The following LITAF variants were observed in gnomAD, a reference collection of about 807,000 sequenced individuals.
LITAF encodes the protein lipopolysaccharide-induced tumor necrosis factor-alpha factor.
A neutral mutation model predicts 14.5 loss-of-function variants in LITAF; 9 were observed. That is an observed-to-expected ratio of 0.62 (90% confidence interval 0.37 to 1.08). The LOEUF (loss-of-function observed/expected upper bound fraction) is 1.08. Ranked by LOEUF, LITAF falls within the 50% of genes least tolerant of loss-of-function variation. LITAF has a pLI of 0.01. For synonymous variants in LITAF, 98 were observed against 88.2 expected (o/e 1.11, Z -0.62); for missense variants, 206 against 213.4 (o/e 0.97, Z 0.22).
intron 3 of LITAF, among the ~76,000 whole-genome samples, chr16:11,606,649 G>T (rs1031906696): frequency 6.6e-6 from 1 of 151,136 alleles, no homozygotes; most frequent in Non-Finnish European, 1.5e-5. Context: ...TCTGAGGTAT[G>T]CCTGCAGCCA....
At chr16:11,562,928 A>G (rs2064392755) in intron 1 of LITAF, among the ~76,000 whole-genome samples, 1 of 151,324 alleles carries the variant, frequency 6.6e-6, no homozygotes, top group Non-Finnish European at 1.5e-5. Flanking sequence ...GAGTCACAAA[A>G]TCATATATAA....
At chr16:11,619,369 A>G (rs2065036605) in intron 3 of LITAF, among the ~76,000 whole-genome samples, 1 of 152,088 alleles carries the variant, frequency 6.6e-6, no homozygotes, top group African/African-American at 2.4e-5. Context: ...ACACATCTCC[A>G]CATGGCATGA....
chr16:11,606,765 G>C, intron 3 of LITAF, among the ~76,000 whole-genome samples: 1 of 152,012 alleles, frequency 6.6e-6, no homozygotes, highest in East Asian at 1.9e-4. Context: ...CTCCCGAGTA[G>C]CTGGGACTAC....
chr16:11,626,660 C>T (rs1323837497), intron 3 of LITAF, among the ~76,000 whole-genome samples: 12 of 151,834 alleles, frequency 7.9e-5, no homozygotes, highest in African/African-American at 1.2e-4. Flanking sequence ...TTAGTAGAGA[C>T]GGGGTTTTAC....
In LITAF at chr16:11,553,996, C is replaced by T. The variant is rs1460744178; in HGVS notation, c.221-307G>A. Reference sequence around the variant, plus strand: ...CTGTAATCCCAACACTTTGGGAGGCCGAGGTGGGAGGACTGCTTGAGCCTA... The same window carrying T: ...CTGTAATCCCAACACTTTGGGAGGCTGAGGTGGGAGGACTGCTTGAGCCTA... On this transcript the variant is annotated intron_variant, in intron 2 of 3. Coordinates refer to ENST00000622633, the MANE Select transcript of LITAF (RefSeq NM_001136472.2). The surrounding 1 kb of genome is among the most constrained non-coding windows in gnomAD (Gnocchi z 7.7). Among the ~76,000 whole-genome samples, 2 of 151,956 alleles carry T rather than the reference C, an allele frequency of 1.3e-5. No individual in the cohort carries two copies. The highest frequency in any genetic ancestry group is 4.8e-5 in the African/African-American group (2 of 41,350).
At chr16:11,571,328 A>G in intron 1 of LITAF, among the ~76,000 whole-genome samples, 1 of 152,124 alleles carries the variant, frequency 6.6e-6, no homozygotes, top group Middle Eastern at 3.2e-3. Context: ...CGGCCTCCCA[A>G]AGTGGTGGGA....
chr16:11,565,635 G>A (rs2064439611), intron 1 of LITAF, among the ~76,000 whole-genome samples: 1 of 151,884 alleles, frequency 6.6e-6, no homozygotes, highest in Non-Finnish European at 1.5e-5. Context: ...CTTGACTAGC[G>A]CGACTCCCTG....
chr16:11,592,197 A>G (rs2064851091), upstream of LITAF, among the ~76,000 whole-genome samples: 1 of 152,364 alleles, frequency 6.6e-6, no homozygotes, highest in East Asian at 1.9e-4. Flanking sequence ...TGCAAATTAT[A>G]TATCTGATAA....
chr16:11,549,373 C>T lies in LITAF; in HGVS notation c.*264G>A. The stretch of plus-strand genomic sequence containing the variant: ...CAATGATCACAGTTAGATGGCAGGA[C>T]TCAGGGTCTCAGGGAGGCAGGAAAC... On this transcript the variant is annotated 3_prime_UTR_variant, in exon 4 of 4. Transcript: ENST00000622633. This position sits in a 1 kb window ranked among gnomAD's most constrained non-coding sequence, Gnocchi z 4.6. The T allele has an allele frequency of 1.9e-6, 1 of 526,814 alleles. No homozygotes were observed. The highest frequency in any genetic ancestry group is 4.8e-5 in the East Asian group (1 of 20,754). The allele number at this position is 526,814 out of a possible 1,614,324, so 32.6% of individuals were successfully genotyped here.
At position 11,549,788 on chromosome 16, in the gene LITAF, A is replaced by T; in HGVS notation, c.378-43T>A. ...CACACGGAGCGCGTTACTGATCACA[A>T]CAGGGTGAACACTGGCTGCCAAAAC... On this transcript the variant is annotated intron_variant, in intron 3 of 3. Coordinates refer to ENST00000622633, the MANE Select transcript of LITAF (RefSeq NM_001136472.2). The surrounding 1 kb of genome is among the most constrained non-coding windows in gnomAD (Gnocchi z 4.6). 1 of 1,471,806 alleles carries T rather than the reference A, an allele frequency of 6.8e-7. No homozygotes were observed. The highest frequency in any genetic ancestry group is 9.4e-7 in the Non-Finnish European group (1 of 1,061,902). 91.2% of individuals were successfully genotyped at this position (1,471,806 alleles called of 1,614,324 possible).
At chr16:11,612,991 G>T (rs888654926) in intron 3 of LITAF, among the ~76,000 whole-genome samples, 1 of 152,160 alleles carries the variant, frequency 6.6e-6, no homozygotes, top group African/African-American at 2.4e-5. Flanking sequence ...GGCAAGGCCA[G>T]CCATTCAGGT....
chr16:11,551,114 G>GTTAAACAAAAA (rs1222157105), intron 3 of LITAF, among the ~76,000 whole-genome samples: 1 of 152,146 alleles, frequency 6.6e-6, no homozygotes, highest in Non-Finnish European at 1.5e-5. Flanking sequence ...GCCAAAAATG[G>GTTAAACAAAAA]AGTTAAAACT....
intron 1 of LITAF, among the ~76,000 whole-genome samples, chr16:11,582,662 AG>A (rs2064756108): frequency 1.3e-5 from 2 of 152,326 alleles, no homozygotes; most frequent in Admixed American, 1.3e-4. Context: ...AGGCAAAAGA[AG>A]GGCACTCACA....
At position 11,625,986 on chromosome 16, in the gene LITAF, C is replaced by G. The variant is rs529891733; in HGVS notation, c.85+7547G>C. Among the ~76,000 whole-genome samples the G allele has an allele frequency of 4.6e-5, 7 of 152,258 alleles. No individual in the cohort carries two copies. In the East Asian group the frequency reaches 7.7e-4, roughly 17 times the overall value. On this transcript the variant is annotated intron_variant, in intron 3 of 3. Transcript: ENST00000574848. Reference sequence around the variant, plus strand: ...ACCTGCCTAAGGCCACACAGCTGAACAGTGGCAGAACCAGGATTTGAACCT... The same window carrying G: ...ACCTGCCTAAGGCCACACAGCTGAAGAGTGGCAGAACCAGGATTTGAACCT...
upstream of LITAF, among the ~76,000 whole-genome samples, chr16:11,638,516 C>T (rs1597380186): frequency 2.0e-5 from 3 of 151,870 alleles, no homozygotes; most frequent in Admixed American, 2.0e-4. Context: ...GCCTGACCAA[C>T]ATGATGAAAC....
At chr16:11,626,977 A>C (rs565914843) in intron 3 of LITAF, among the ~76,000 whole-genome samples, 2 of 151,864 alleles carry the variant, frequency 1.3e-5, no homozygotes, top group African/African-American at 4.8e-5. Context: ...CAAGTGGCTG[A>C]GACTACAGGC....
intron 3 of LITAF, among the ~76,000 whole-genome samples, chr16:11,550,962 G>A (rs997268126): frequency 4.6e-5 from 7 of 151,970 alleles, no homozygotes; most frequent in African/African-American, 1.5e-4. Flanking sequence ...GCCAACCCCC[G>A]TCTTACTGAT....
chr16:11,598,720 C>A (rs1237116751), upstream of LITAF, among the ~76,000 whole-genome samples: 1 of 152,186 alleles, frequency 6.6e-6, no homozygotes, highest in Non-Finnish European at 1.5e-5. Flanking sequence ...CGCCTCCCTT[C>A]CAGAACCTAT....
chr16:11,627,615 G>A (rs1411914021), intron 3 of LITAF, among the ~76,000 whole-genome samples: 1 of 152,188 alleles, frequency 6.6e-6, no homozygotes, highest in African/African-American at 2.4e-5. Flanking sequence ...AGGCCGAGGT[G>A]GGCAGATCAC....
Sources: allele counts gnomAD v4.1 joint callset (sites outside exome capture counted in the v4.1 genomes callset), GRCh38; gene constraint gnomAD v4.1.1; non-coding constraint Gnocchi (gnomAD v3.1); transcripts MANE v1.5; gene names NCBI Gene and HGNC (gene_info 2026-07-23, HGNC 2026-07-21).